The following MTCL3 variants were observed in gnomAD, a reference collection of about 807,000 sequenced individuals.
The protein encoded by MTCL3 is MTCL family member 3.
At chr6:127,510,832 T>G in the MTCL3 span, among the ~76,000 whole-genome samples, 2 of 152,204 alleles carry the variant, frequency 1.3e-5, no homozygotes, top group Non-Finnish European at 2.9e-5. Context: ...GTTCTCTCCT[T>G]CTACCCTCCC....
the MTCL3 span, among the ~76,000 whole-genome samples, chr6:127,505,942 C>T: frequency 6.6e-6 from 1 of 152,058 alleles, no homozygotes; most frequent in South Asian, 2.1e-4. Flanking sequence ...ACCTATGAAA[C>T]TTTCAGGGAG....
chr6:127,507,152 A>C, the MTCL3 span, among the ~76,000 whole-genome samples: 2 of 152,224 alleles, frequency 1.3e-5, no homozygotes, highest in African/African-American at 4.8e-5. Context: ...ATTTTTAGGA[A>C]GCCCATTACG....
the MTCL3 span, chr6:127,512,937 T>A: frequency 6.2e-7 from 1 of 1,612,534 alleles, no homozygotes; most frequent in Non-Finnish European, 8.5e-7. Context: ...CTTTGCAATT[T>A]CAACTTCTAT....
chr6:127,485,777 C>G, the MTCL3 span, among the ~76,000 whole-genome samples: 2 of 152,058 alleles, frequency 1.3e-5, no homozygotes, highest in Middle Eastern at 6.8e-3. Context: ...ATGCAATTAG[C>G]AAAAACAGTG....
chr6:127,496,659 G>A, the MTCL3 span, among the ~76,000 whole-genome samples: 1 of 151,960 alleles, frequency 6.6e-6, no homozygotes, highest in Admixed American at 6.6e-5. Flanking sequence ...ACCAAAAGTT[G>A]GAAACAACCC....
At chr6:127,501,473 T>C in the MTCL3 span, among the ~76,000 whole-genome samples, 1 of 152,200 alleles carries the variant, frequency 6.6e-6, no homozygotes, top group Non-Finnish European at 1.5e-5. Flanking sequence ...AAATAAGCAA[T>C]TGGTCTAATT....
the MTCL3 span, among the ~76,000 whole-genome samples, chr6:127,512,687 C>G: frequency 6.6e-6 from 1 of 152,104 alleles, no homozygotes; most frequent in Non-Finnish European, 1.5e-5. Flanking sequence ...TCGTACATGT[C>G]GAGTTAGATA....
the MTCL3 span, among the ~76,000 whole-genome samples, chr6:127,479,832 T>G: frequency 6.6e-6 from 1 of 152,224 alleles, no homozygotes; most frequent in Non-Finnish European, 1.5e-5. Context: ...TATGCCAATA[T>G]GCCTTGCATC....
At chr6:127,479,875 T>C in the MTCL3 span, among the ~76,000 whole-genome samples, 2 of 152,314 alleles carry the variant, frequency 1.3e-5, no homozygotes, top group East Asian at 3.9e-4. Flanking sequence ...GTAGGCTGCA[T>C]TGGAAACTTG....
chr6:127,500,070 G>A, the MTCL3 span, among the ~76,000 whole-genome samples: 2 of 152,036 alleles, frequency 1.3e-5, no homozygotes, highest in Admixed American at 6.5e-5. Context: ...GCCCTGGTTT[G>A]TTCCCATAAT....
the MTCL3 span, chr6:127,516,445 G>A: frequency 6.3e-7 from 1 of 1,599,748 alleles, no homozygotes; most frequent in African/African-American, 1.3e-5. Context: ...TGGGGACCGG[G>A]TGGCCGCGAT....
chr6:127,499,668 A>G, the MTCL3 span, among the ~76,000 whole-genome samples: 4 of 152,144 alleles, frequency 2.6e-5, no homozygotes, highest in Non-Finnish European at 4.4e-5. Flanking sequence ...TGAACCGGGT[A>G]TTCTTCTTTA....
chr6:127,515,546 C>G, the MTCL3 span: 1 of 1,467,760 alleles, frequency 6.8e-7, no homozygotes. The surrounding 1 kb of genome is among the most constrained non-coding windows in gnomAD (Gnocchi z 4.3). Context: ...CGCAGCTTCT[C>G]CATCTCCTCT....
At chr6:127,503,975 G>A in the MTCL3 span, among the ~76,000 whole-genome samples, 1 of 152,044 alleles carries the variant, frequency 6.6e-6, no homozygotes, top group Admixed American at 6.6e-5. Flanking sequence ...TTCTGTTTTG[G>A]TTGTTGTGGA....
chr6:127,489,790 T>C, the MTCL3 span, among the ~76,000 whole-genome samples: 21,031 of 152,128 alleles, frequency 0.14, 2,282 homozygotes, highest in East Asian at 0.64. Context: ...GTACATGAGG[T>C]TTAAGGAAAG....
At chr6:127,481,452 G>A in the MTCL3 span, 1 of 985,244 alleles carries the variant, frequency 1.0e-6, no homozygotes, top group African/African-American at 1.7e-5. Flanking sequence ...AAATGCTGAG[G>A]TCCATACATG....
At chr6:127,475,358 C>G in the MTCL3 span, 1 of 1,613,252 alleles carries the variant, frequency 6.2e-7, no homozygotes, top group Non-Finnish European at 8.5e-7. This position sits in a 1 kb window ranked among gnomAD's most constrained non-coding sequence, Gnocchi z 7.3. Flanking sequence ...TCGAGGCGGT[C>G]GATGAAGGTC....
the MTCL3 span, among the ~76,000 whole-genome samples, chr6:127,504,205 C>T: frequency 1.2e-4 from 18 of 152,248 alleles, no homozygotes; most frequent in Admixed American, 7.8e-4. Flanking sequence ...AACACAGGAG[C>T]GGCTCTTGTC....
At chr6:127,487,751 C>T in the MTCL3 span, among the ~76,000 whole-genome samples, 1 of 152,140 alleles carries the variant, frequency 6.6e-6, no homozygotes, top group Admixed American at 6.5e-5. Context: ...GAGGCACATG[C>T]CAGGGTGATC....
Sources: gnomAD v4.1 joint callset for allele counts (sites outside exome capture counted in the v4.1 genomes callset) on GRCh38, gnomAD v4.1.1 for gene constraint, Gnocchi (gnomAD v3.1) non-coding constraint, MANE v1.5 for transcripts, NCBI Gene and HGNC (gene_info 2026-07-23, HGNC 2026-07-21) for gene names.